Variants in BCLAF1 observed in about 807,000 individuals in gnomAD.
BCLAF1 encodes BCL2 associated transcription factor 1.
In BCLAF1, 10 loss-of-function variants were observed where a neutral mutation model predicts 99.5. The observed-to-expected ratio is 0.10, with a 90% CI of 0.06 to 0.17. BCLAF1 has a LOEUF of 0.17. Among genes scored for constraint, BCLAF1 ranks in the 10% least tolerant of loss-of-function variants. The pLI is 1.00. For missense variants in BCLAF1, 636 were observed against 1,105.8 expected (o/e 0.58, Z 6.02); for synonymous variants, 255 against 370.9 (o/e 0.69, Z 3.59).
intron 1 of BCLAF1, among the ~76,000 whole-genome samples, chr6:136,287,693 T>C (rs1785335438): frequency 6.6e-6 from 1 of 152,164 alleles, no homozygotes; most frequent in Non-Finnish European, 1.5e-5. Flanking sequence ...TCTCATCACA[T>C]AGTTAACCTC....
At chr6:136,266,359 G>A (rs1016756772) in intron 11 of BCLAF1, among the ~76,000 whole-genome samples, 25 of 152,056 alleles carry the variant, frequency 1.6e-4, no homozygotes, top group African/African-American at 5.5e-4. Context: ...TAATAGTTTC[G>A]GTATATTCTT....
intron 3 of BCLAF1, 51 bp downstream of exon 3, chr6:136,279,712 C>T (rs1388833247): frequency 5.0e-6 from 7 of 1,410,254 alleles, no homozygotes; most frequent in Non-Finnish European, 6.5e-6. Flanking sequence ...ACTCATTCAA[C>T]AAGTATTAAC....
intron 5 of BCLAF1, 63 bp from the exon 6 acceptor site, chr6:136,275,764 T>C: frequency 6.4e-7 from 1 of 1,560,778 alleles, no homozygotes; most frequent in Non-Finnish European, 8.6e-7. Flanking sequence ...ATAAAAATGG[T>C]ATGTTCAGAA....
At chr6:136,281,183 T>C (rs1396092822) in intron 2 of BCLAF1, among the ~76,000 whole-genome samples, 2 of 152,206 alleles carry the variant, frequency 1.3e-5, no homozygotes, top group Non-Finnish European at 2.9e-5. Context: ...CTACCACCTT[T>C]GTCTTCTCTC....
chr6:136,274,255 A>C, intron 6 of BCLAF1: 1 of 867,250 alleles, frequency 1.2e-6, no homozygotes, highest in Non-Finnish European at 1.6e-6. Flanking sequence ...AGAGCTGTTC[A>C]GATCGGTTGC....
intron 1 of BCLAF1, among the ~76,000 whole-genome samples, 175 bp downstream of exon 1, chr6:136,289,538 G>A (rs1338023998): frequency 6.6e-6 from 1 of 152,236 alleles, no homozygotes; most frequent in African/African-American, 2.4e-5. Context: ...TTTTCGGCCC[G>A]TAGTGCCTCG....
chr6:136,260,845 T>C lies in BCLAF1; in HGVS notation c.*265A>G, dbSNP rs1364408463. 6 of 468,712 alleles carry C rather than the reference T, an allele frequency of 1.3e-5. No individual in the cohort carries two copies. The East Asian group carries it at 1.7e-4, about 13-fold the overall frequency. The allele number at this position is 468,712 out of a possible 1,614,324, so 29.0% of individuals were successfully genotyped here. The stretch of plus-strand genomic sequence containing the variant: ...TCTTATAGACAAAGCAGAATTACAA[T>C]GCATGTAACAAAAACGTTAAAAGTT... On this transcript the variant is annotated 3_prime_UTR_variant, in exon 13 of 13. Coordinates refer to ENST00000531224, the MANE Select transcript of BCLAF1 (RefSeq NM_014739.3).
chr6:136,265,323 A>C (rs1781571379), intron 11 of BCLAF1, among the ~76,000 whole-genome samples: 1 of 152,162 alleles, frequency 6.6e-6, no homozygotes, highest in Non-Finnish European at 1.5e-5. Context: ...TCTCCCAGGC[A>C]CTTCAAATTC....
Position 136,279,616 on chromosome 6 carries a change from G to A in BCLAF1, c.104+147C>T, listed in dbSNP as rs900437641. On this transcript the variant is annotated intron_variant, in intron 3 of 12. Transcript: ENST00000531224. ...GTTACCTGGACATTCTCATTTTCTC[G>A]CTTACAATAAGGATAACAATAGATC... 1.6e-5 allele frequency: 14 copies of A among 849,536 alleles called. No homozygotes were observed. The South Asian group carries it at 1.7e-4, about 10-fold the overall frequency. 52.6% of individuals were successfully genotyped at this position (849,536 alleles called of 1,614,324 possible).
intron 7 of BCLAF1, among the ~76,000 whole-genome samples, chr6:136,272,583 ACT>A (rs1002804639): frequency 2.0e-5 from 3 of 151,940 alleles, no homozygotes; most frequent in Non-Finnish European, 4.4e-5. Flanking sequence ...AGCCAATATC[ACT>A]GTCACTGCCA....
At chr6:136,280,077 C>T (rs980551817) in intron 2 of BCLAF1, among the ~76,000 whole-genome samples, 50 of 152,154 alleles carry the variant, frequency 3.3e-4, no homozygotes, top group Admixed American at 3.1e-3. Context: ...CAGGTACTGT[C>T]GATTAAAGAC....
intron 2 of BCLAF1, 47 bp from the exon 3 acceptor site, chr6:136,279,923 T>C: frequency 1.5e-6 from 2 of 1,368,846 alleles, no homozygotes; most frequent in South Asian, 1.9e-5. Context: ...CAATATGATA[T>C]TTAAAATTTT....
At chr6:136,284,128 GTGTATATATATATA>G (rs1003594378) in intron 1 of BCLAF1, among the ~76,000 whole-genome samples, 2 of 81,352 alleles carry the variant, frequency 2.5e-5, no homozygotes, top group African/African-American at 9.0e-5. Context: ...GTGTGTGTGT[GTGTATATATATATA>G]TATATATATA....
At chr6:136,273,210 GT>G in intron 6 of BCLAF1, 23 bp from the exon 7 acceptor site, 1 of 1,582,142 alleles carries the variant, frequency 6.3e-7, no homozygotes, top group East Asian at 2.2e-5. Context: ...AAGAAATACT[GT>G]CCGATTAGTT....
chr6:136,289,058 C>T (rs1785565019), intron 1 of BCLAF1, among the ~76,000 whole-genome samples: 1 of 152,202 alleles, frequency 6.6e-6, no homozygotes, highest in Non-Finnish European at 1.5e-5. Flanking sequence ...CCGAAATTAA[C>T]TCCAGAGAAC....
chr6:136,264,708 G>A (rs1453051124), intron 11 of BCLAF1, among the ~76,000 whole-genome samples: 2 of 152,170 alleles, frequency 1.3e-5, no homozygotes, highest in Non-Finnish European at 2.9e-5. Flanking sequence ...AACCAAAGTT[G>A]CCATTTCAAT....
chr6:136,286,110 A>T (rs1785096046), intron 1 of BCLAF1, among the ~76,000 whole-genome samples: 1 of 152,136 alleles, frequency 6.6e-6, no homozygotes, highest in Non-Finnish European at 1.5e-5. Flanking sequence ...AAGAAAAAAA[A>T]TGATCAAGGT....
At chr6:136,281,560 C>G (rs1431432647) in intron 2 of BCLAF1, among the ~76,000 whole-genome samples, 3 of 152,006 alleles carry the variant, frequency 2.0e-5, no homozygotes, top group Non-Finnish European at 4.4e-5. Flanking sequence ...TATTTTTATC[C>G]CACTCTGAGA....
chr6:136,275,541 G>T lies in BCLAF1; in HGVS notation c.1843C>A (p.His615Asn). 6.4e-7 allele frequency: 1 copy of T among 1,552,912 alleles called. No homozygotes were observed. The highest frequency in any genetic ancestry group is 1.2e-5 in the South Asian group (1 of 80,024). ...AACATACTAAGCATACCTTTAACAT[G>T]ATGAACCAAGGACACAATGTGTTGA... is the stretch of plus-strand genomic sequence containing the variant. ...FIQHIVSLVH[H>N]VKEQYFKSAA... Residue 615 changes from histidine to asparagine, a missense_variant, in exon 6 of 13, where the codon CAT (histidine) becomes AAT (asparagine). By Grantham distance (68) the His-to-Asn change is moderately conservative. Transcript: ENST00000531224.
Sources: allele counts gnomAD v4.1 joint callset (sites outside exome capture counted in the v4.1 genomes callset), GRCh38; gene constraint gnomAD v4.1.1; transcripts MANE v1.5; gene names NCBI Gene and HGNC (gene_info 2026-07-23, HGNC 2026-07-21).